The following TMX2 variants were observed in gnomAD, a reference collection of about 807,000 sequenced individuals.
The protein encoded by TMX2 is thioredoxin-related transmembrane protein 2.
A neutral mutation model predicts 33.4 loss-of-function variants in TMX2; 20 were observed. That is an observed-to-expected ratio of 0.60 (90% CI 0.42 to 0.87). The LOEUF (loss-of-function observed/expected upper bound fraction) is 0.87. Among genes scored for constraint, TMX2 ranks in the 40% least tolerant of loss-of-function variants. The pLI, the probability that TMX2 is intolerant of heterozygous loss-of-function variation, is 0.00. For synonymous variants in TMX2, 166 were observed against 140.7 expected (o/e 1.18, Z -1.27); for missense variants, 340 against 370.7 (o/e 0.92, Z 0.68).
At chr11:57,729,226 A>G (rs1948197460) in intron 1 of TMX2, among the ~76,000 whole-genome samples, 3 of 152,186 alleles carry the variant, frequency 2.0e-5, no homozygotes, top group Non-Finnish European at 4.4e-5. Flanking sequence ...ACTTGCCAGA[A>G]TTGATATAAA....
chr11:57,728,168 TC>T (rs1472713129), intron 1 of TMX2, among the ~76,000 whole-genome samples: 1 of 129,216 alleles, frequency 7.7e-6, no homozygotes, highest in Non-Finnish European at 1.9e-5. Context: ...AGAGTTTCAC[TC>T]TTTTTTTTTT....
chr11:57,738,923 T>C, intron 5 of TMX2, 51 bp from the exon 6 acceptor site: 1 of 1,584,426 alleles, frequency 6.3e-7, no homozygotes, highest in South Asian at 1.1e-5. Context: ...ACTTCCACTT[T>C]CCTTGATCCA....
At chr11:57,737,783 A>G in intron 2 of TMX2, 115 bp downstream of exon 2, 1 of 1,590,916 alleles carries the variant, frequency 6.3e-7, no homozygotes, top group Non-Finnish European at 8.6e-7. Flanking sequence ...GTTTAATTCC[A>G]AGGCTGAATT....
chr11:57,718,864 C>T (rs1267579587), intron 1 of TMX2, among the ~76,000 whole-genome samples: 1 of 150,936 alleles, frequency 6.6e-6, no homozygotes, highest in Non-Finnish European at 1.5e-5. Flanking sequence ...CCATGTTGGC[C>T]TGGCTTGTCT....
chr11:57,721,462 A>G (rs1463524990), intron 1 of TMX2, among the ~76,000 whole-genome samples: 2 of 148,624 alleles, frequency 1.3e-5, no homozygotes, highest in South Asian at 2.1e-4. Context: ...GATTACAGGC[A>G]TGTGCCACCA....
chr11:57,717,527 C>G (rs1034543825), intron 1 of TMX2, among the ~76,000 whole-genome samples: 1 of 151,950 alleles, frequency 6.6e-6, no homozygotes. Flanking sequence ...ACAGCGAAAC[C>G]CCGTCTCCAC....
intron 1 of TMX2, among the ~76,000 whole-genome samples, chr11:57,721,324 T>G (rs948314578): frequency 6.6e-6 from 1 of 150,890 alleles, no homozygotes; most frequent in African/African-American, 2.4e-5. Context: ...AATCAATGTT[T>G]TATTTAAATA....
chr11:57,731,937 CAA>C (rs1035939392), intron 1 of TMX2, among the ~76,000 whole-genome samples: 4 of 152,054 alleles, frequency 2.6e-5, no homozygotes, highest in African/African-American at 7.2e-5. Flanking sequence ...GAAGATATAA[CAA>C]GAGAAAAAGA....
chr11:57,712,879 G>A (rs762939790), intron 1 of TMX2, 72 bp downstream of exon 1: 6 of 1,555,834 alleles, frequency 3.9e-6, no homozygotes, highest in South Asian at 1.1e-5. Context: ...TGGGAACCCT[G>A]GGGTTTACCT....
chr11:57,732,606 TAAAA>T (rs1485438071), intron 1 of TMX2, among the ~76,000 whole-genome samples: 1 of 152,218 alleles, frequency 6.6e-6, no homozygotes, highest in African/African-American at 2.4e-5. Flanking sequence ...ATAGAATTTT[TAAAA>T]AATGCTTAGG....
intron 1 of TMX2, among the ~76,000 whole-genome samples, chr11:57,727,645 C>T (rs1052416758): frequency 6.6e-6 from 1 of 152,192 alleles, no homozygotes; most frequent in African/African-American, 2.4e-5. Context: ...TGTTTCCTTC[C>T]CATACCTTGA....
intron 1 of TMX2, among the ~76,000 whole-genome samples, chr11:57,716,843 ACCC>A (rs567846185): frequency 1.0e-5 from 1 of 95,700 alleles, no homozygotes; most frequent in African/African-American, 3.7e-5. Context: ...CGGGGGGCTG[ACCC>A]CCCCCACCTC....
intron 1 of TMX2, among the ~76,000 whole-genome samples, chr11:57,723,072 A>G (rs185481281): frequency 3.3e-4 from 50 of 151,326 alleles, no homozygotes; most frequent in African/African-American, 9.5e-4. Flanking sequence ...GATTGTGCCA[A>G]TGCACTCCAC....
chr11:57,720,145 AAAAAAAAAG>A, intron 1 of TMX2, among the ~76,000 whole-genome samples: 1 of 151,518 alleles, frequency 6.6e-6, no homozygotes, highest in East Asian at 1.9e-4. Flanking sequence ...AAAAAAAAAA[AAAAAAAAAG>A]GTGCCACTGA....
At chr11:57,726,202 C>A (rs1394308314) in intron 1 of TMX2, among the ~76,000 whole-genome samples, 3 of 152,026 alleles carry the variant, frequency 2.0e-5, no homozygotes, top group Admixed American at 6.6e-5. Flanking sequence ...TTCCTGAGGT[C>A]AGGAGTTCGA....
intron 1 of TMX2, among the ~76,000 whole-genome samples, chr11:57,715,761 G>A (rs1946950080): frequency 1.3e-5 from 2 of 151,344 alleles, no homozygotes; most frequent in South Asian, 4.2e-4. Context: ...CTGGGTACTT[G>A]AGATTAGGGA....
chr11:57,738,378 C>G lies in TMX2; in HGVS notation c.389C>G (p.Pro130Arg). 1 of 1,611,690 alleles carries G rather than the reference C, an allele frequency of 6.2e-7. No homozygotes were observed. Among genetic ancestry groups the G allele is most frequent in the Non-Finnish European group, 8.5e-7 (1 of 1,177,934 alleles). ...CIVFLMTCKP[P>R]LYMGPEYIKY... is the part of the protein sequence containing the mutation. Reference sequence around the variant, plus strand: ...GTGTTCCTGATGACGTGCAAACCCCCCCTATATATGGGCCCTGAGTATATC... The same window carrying G: ...GTGTTCCTGATGACGTGCAAACCCCGCCTATATATGGGCCCTGAGTATATC... The change falls in exon 4 of 8, where the codon CCC (proline) becomes CGC (arginine). Residue 130 changes from proline (P) to arginine (R), a missense_variant. Around this residue, in one of 3 missense-constraint regions of TMX2, gnomAD observed 209 missense variants for 241.6 expected, o/e 0.87. Transcript: ENST00000278422.
At chr11:57,738,451 C>T in intron 4 of TMX2, 21 bp downstream of exon 4, 1 of 1,573,560 alleles carries the variant, frequency 6.4e-7, no homozygotes, top group Non-Finnish European at 8.7e-7. Flanking sequence ...TTTCCCCTTT[C>T]TGTTTCTTGG....
chr11:57,734,288 T>TG (rs1295087876), intron 1 of TMX2, among the ~76,000 whole-genome samples: 1 of 151,800 alleles, frequency 6.6e-6, no homozygotes, highest in Non-Finnish European at 1.5e-5. Context: ...CAGTTCTACC[T>TG]GGATGCAAAG....
Sources: allele counts gnomAD v4.1 joint callset (sites outside exome capture counted in the v4.1 genomes callset), GRCh38; gene constraint gnomAD v4.1.1; regional missense constraint gnomAD v4.1.1; transcripts MANE v1.5; gene names NCBI Gene and HGNC (gene_info 2026-07-23, HGNC 2026-07-21).